The following SLC7A8 variants were observed in gnomAD, a reference collection of about 807,000 sequenced individuals.
The protein encoded by SLC7A8 is solute carrier family 7 member 8, also known as large neutral amino acids transporter small subunit 2.
Under a neutral mutation model 51.2 loss-of-function variants are expected in SLC7A8, and 30 were observed. The ratio of observed to expected loss-of-function variants is 0.59; its 90% CI spans 0.44 to 0.80. The LOEUF is 0.80. Ranked by LOEUF, SLC7A8 falls within the 30% of genes least tolerant of loss-of-function variation. The probability of loss-of-function intolerance (pLI) is 0.00; values close to 1 mark genes in which losing one functional copy is unlikely to be tolerated. For synonymous variants in SLC7A8, 257 were observed against 275.8 expected, an observed-to-expected ratio of 0.93 and a Z score of 0.67; for missense variants, 612 against 674.4, an observed-to-expected ratio of 0.91 and a Z score of 1.03.
intron 10 of SLC7A8, 129 bp from the exon 11 acceptor site, chr14:23,127,472 A>G: frequency 2.8e-6 from 3 of 1,077,008 alleles, no homozygotes; most frequent in South Asian, 1.6e-5. Flanking sequence ...TGCGTTGAAG[A>G]GAATCCTCGC....
intron 3 of SLC7A8, among the ~76,000 whole-genome samples, chr14:23,151,142 C>T (rs1446386929): frequency 3.3e-5 from 5 of 152,214 alleles, no homozygotes; most frequent in Admixed American, 3.3e-4. Flanking sequence ...CCCCACTCCT[C>T]AGGCCCCACG....
In SLC7A8 at chr14:23,131,224, G is replaced by A. The variant is rs539530016; in HGVS notation, c.1113+237C>T. On this transcript the variant is annotated intron_variant, in intron 8 of 10. Coordinates refer to ENST00000316902, the MANE Select transcript of SLC7A8 (RefSeq NM_012244.4). The stretch of plus-strand genomic sequence containing the variant: ...GTCTGACCCAAAAGGATGGGAGAAC[G>A]GAAATAAGTCAGCCTGAGAGCCTTA... Among the ~76,000 whole-genome samples, 9 of 152,290 alleles carry A rather than the reference G, an allele frequency of 5.9e-5. No homozygotes were observed. The South Asian group carries it at 1.0e-3, about 18-fold the overall frequency.
At chr14:23,164,533 T>C (rs539480465) in intron 3 of SLC7A8, among the ~76,000 whole-genome samples, 1 of 152,210 alleles carries the variant, frequency 6.6e-6, no homozygotes, top group Non-Finnish European at 1.5e-5. Context: ...ATAATATAGG[T>C]GAAAGTGCTT....
chr14:23,153,004 T>C (rs565805150), intron 3 of SLC7A8, among the ~76,000 whole-genome samples: 6 of 152,326 alleles, frequency 3.9e-5, no homozygotes, highest in Admixed American at 2.6e-4. Context: ...TGTAGTCAAC[T>C]CTTGGCCCTA....
intron 1 of SLC7A8, among the ~76,000 whole-genome samples, chr14:23,181,881 G>A (rs573465992): frequency 6.6e-6 from 1 of 152,348 alleles, no homozygotes; most frequent in African/African-American, 2.4e-5. Flanking sequence ...GTCTAGAGAC[G>A]AAGCTGTATT....
At chr14:23,148,066 T>C (rs1265402795) in intron 3 of SLC7A8, among the ~76,000 whole-genome samples, 1 of 151,790 alleles carries the variant, frequency 6.6e-6, no homozygotes, top group Non-Finnish European at 1.5e-5. Context: ...ATTACAGAAG[T>C]CTCTCCTTCA....
chr14:23,133,998 T>C (rs1421232690), intron 7 of SLC7A8, among the ~76,000 whole-genome samples: 4 of 152,024 alleles, frequency 2.6e-5, no homozygotes, highest in Non-Finnish European at 5.9e-5. Context: ...TGGAGTGCAG[T>C]AGCACGATGA....
chr14:23,146,607 A>T, intron 3 of SLC7A8, among the ~76,000 whole-genome samples: 1 of 152,194 alleles, frequency 6.6e-6, no homozygotes, highest in South Asian at 2.1e-4. Flanking sequence ...CCCTTGACTA[A>T]TATTTAACCT....
chr14:23,178,674 G>A (rs953010351), intron 1 of SLC7A8, among the ~76,000 whole-genome samples: 7 of 151,692 alleles, frequency 4.6e-5, no homozygotes, highest in Non-Finnish European at 5.9e-5. Context: ...CAACACTTCG[G>A]GAGGCTGAGG....
chr14:23,173,020 T>C (rs2048982334), intron 1 of SLC7A8, among the ~76,000 whole-genome samples: 1 of 152,240 alleles, frequency 6.6e-6, no homozygotes, highest in Non-Finnish European at 1.5e-5. Flanking sequence ...AAATTTACCA[T>C]CTTAACCATT....
intron 1 of SLC7A8, among the ~76,000 whole-genome samples, chr14:23,180,163 C>T (rs1440306395): frequency 6.6e-6 from 1 of 152,196 alleles, no homozygotes; most frequent in Non-Finnish European, 1.5e-5. Flanking sequence ...GCCTTGGCCT[C>T]CCAAAGTGCT....
intron 3 of SLC7A8, among the ~76,000 whole-genome samples, chr14:23,160,533 T>G (rs556475730): frequency 2.8e-5 from 4 of 144,346 alleles, no homozygotes; most frequent in Non-Finnish European, 6.0e-5. Flanking sequence ...ATCGCGCCAC[T>G]GCACTCCAGC....
chr14:23,181,461 G>T (rs1283645981), intron 1 of SLC7A8, among the ~76,000 whole-genome samples: 1 of 127,204 alleles, frequency 7.9e-6, no homozygotes. Flanking sequence ...GTGGGGGGGG[G>T]ATGGGATTTC....
At chr14:23,140,747 C>T in intron 4 of SLC7A8, 123 bp from the exon 5 acceptor site, 1 of 938,470 alleles carries the variant, frequency 1.1e-6, no homozygotes. Flanking sequence ...GTCTTGTCTC[C>T]AGTGAACCCA....
intron 1 of SLC7A8, among the ~76,000 whole-genome samples, chr14:23,172,719 G>C (rs1391784404): frequency 6.6e-6 from 1 of 152,198 alleles, no homozygotes; most frequent in African/African-American, 2.4e-5. Context: ...TTGTCACAAT[G>C]AGGGTGGGAG....
intron 7 of SLC7A8, among the ~76,000 whole-genome samples, chr14:23,137,073 G>A (rs1594820924): frequency 1.3e-5 from 2 of 152,156 alleles, no homozygotes; most frequent in East Asian, 1.9e-4. Context: ...TGAGGGCAGG[G>A]GGTGCTTTCT....
chr14:23,141,591 A>G (rs10151823), intron 4 of SLC7A8, among the ~76,000 whole-genome samples: 10,860 of 149,792 alleles, frequency 0.073, 1,335 homozygotes, highest in African/African-American at 0.25. Context: ...CTGGAGTTAC[A>G]GGCATATGCC....
rs1342958881 is a variant in SLC7A8 at position 23,165,873 on chromosome 14, T to C, written c.357-437A>G. 1.3e-5 allele frequency among the ~76,000 whole-genome samples: 2 copies of C among 152,136 alleles called. No homozygotes were observed. Among genetic ancestry groups the C allele is most frequent in the Non-Finnish European group, 2.9e-5 (2 of 68,032 alleles). On this transcript the variant is annotated intron_variant, in intron 2 of 10. Transcript: ENST00000316902. The surrounding 1 kb of genome is among the most constrained non-coding windows in gnomAD (Gnocchi z 4.2). ...TGGCCCATTGGTGAGGGTTTACCAA[T>C]GGCAGGGATGCAGAAATTGAGGAAA... is the stretch of plus-strand genomic sequence containing the variant.
At chr14:23,141,286 A>G (rs915869218) in intron 4 of SLC7A8, among the ~76,000 whole-genome samples, 3 of 152,250 alleles carry the variant, frequency 2.0e-5, no homozygotes, top group Admixed American at 1.3e-4. Flanking sequence ...CCCTGTCTCC[A>G]AAAAAGAAAA....
Sources: gnomAD v4.1 joint callset for allele counts (sites outside exome capture counted in the v4.1 genomes callset) on GRCh38, gnomAD v4.1.1 for gene constraint, Gnocchi (gnomAD v3.1) non-coding constraint, MANE v1.5 for transcripts, NCBI Gene and HGNC (gene_info 2026-07-23, HGNC 2026-07-21) for gene names.